Variants in NBR1 observed in about 807,000 individuals in gnomAD.
NBR1 encodes the protein next to BRCA1 gene 1 protein.
A neutral mutation model predicts 115.5 loss-of-function variants in NBR1; 59 were observed. That is an observed-to-expected ratio of 0.51 (90% confidence interval 0.41 to 0.63). The LOEUF (loss-of-function observed/expected upper bound fraction) is 0.63, where lower values mean the gene tolerates loss of function less well. Ranked by LOEUF, NBR1 falls within the 30% of genes least tolerant of loss-of-function variation. The pLI, the probability that NBR1 is intolerant of heterozygous loss-of-function variation, is 0.00. For synonymous variants in NBR1, 373 were observed against 414.7 expected, an observed-to-expected ratio of 0.90 and a Z score of 1.22; for missense variants, 1,043 against 1,150.5, an observed-to-expected ratio of 0.91 and a Z score of 1.35.
chr17:43,198,716 C>T (rs564925215), intron 16 of NBR1, among the ~76,000 whole-genome samples: 38 of 151,770 alleles, frequency 2.5e-4, no homozygotes, highest in Admixed American at 8.5e-4. Flanking sequence ...AATCCCAGCA[C>T]GTTGGGAGGC....
rs369693659 is a variant in NBR1 at position 43,191,792 on chromosome 17, G to C, written c.1073+211G>C. On this transcript the variant is annotated intron_variant, in intron 10 of 20. Transcript: ENST00000590996. ...GCGGTAGTGCAGTGGTGCGATCTCG[G>C]CTCACTGCCAGCTCTGCTTTCGGGT... 7.9e-5 allele frequency among the ~76,000 whole-genome samples: 12 copies of C among 152,290 alleles called. No individual in the cohort carries two copies. In the East Asian group the frequency reaches 1.2e-3, roughly 15 times the overall value.
At chr17:43,170,820 T>C (rs1438503259), upstream of NBR1, 1 of 152,220 alleles carries the variant, frequency 6.6e-6, no homozygotes, top group African/African-American at 2.4e-5. Context: ...AGTAATGGAT[T>C]GGAGTGTTGT....
At position 43,175,825 on chromosome 17, in the gene NBR1, T is replaced by A; in HGVS notation, c.26T>A (p.Val9Glu). The A allele has an allele frequency of 6.2e-7, 1 of 1,601,490 alleles. No individual in the cohort carries two copies. Among genetic ancestry groups the A allele is most frequent in the East Asian group, 2.2e-5 (1 of 44,758 alleles). Residue 9 changes from valine (V) to glutamate (E), a missense_variant, in exon 2 of 21, where the codon GTG becomes GAG. Val to Glu is a moderately radical substitution (Grantham distance 121). Coordinates refer to ENST00000590996, the MANE Select transcript of NBR1 (RefSeq NM_005899.5). MEPQVTLN[V>E]TFKNEIQSFL... ...ATGGAACCACAGGTTACTCTAAATG[T>A]GACTTTTAAAAATGAAATTCAAAGC...
intron 17 of NBR1, among the ~76,000 whole-genome samples, chr17:43,201,136 T>G (rs576890337): frequency 6.6e-6 from 1 of 152,326 alleles, no homozygotes; most frequent in Admixed American, 6.5e-5. Flanking sequence ...CCCAAAATGC[T>G]GGAATTACAG....
rs1483875959 is a variant in NBR1, at chr17:43,189,732, A to G, written c.625A>G (p.Asn209Asp). 1.2e-6 allele frequency: 2 copies of G among 1,613,994 alleles called. No individual in the cohort carries two copies. The highest frequency in any genetic ancestry group is 1.7e-5 in the Admixed American group (1 of 60,014). ...TSEETLFLPE[N>D]QFSWHIACNN... ...AGAAGAAACATTGTTTTTGCCAGAA[A>G]ACCAGTTCAGCTGGCATATTGCTTG... The change falls in exon 8 of 21, where the codon AAC becomes GAC. Residue 209 changes from asparagine (N) to aspartate (D), a missense_variant. Asn to Asp is a conservative substitution (Grantham distance 23). Coordinates refer to ENST00000590996, the MANE Select transcript of NBR1 (RefSeq NM_005899.5).
intron 6 of NBR1, among the ~76,000 whole-genome samples, chr17:43,186,774 GT>G (rs2154582115): frequency 6.6e-6 from 1 of 152,066 alleles, no homozygotes; most frequent in East Asian, 1.9e-4. Flanking sequence ...GCTGTGTTTG[GT>G]TTTCTGTTCC....
At chr17:43,189,259 A>G (rs2056889026) in intron 7 of NBR1, 140 bp downstream of exon 7, 2 of 683,124 alleles carry the variant, frequency 2.9e-6, no homozygotes, top group Admixed American at 5.0e-5. Context: ...AACTTAGAAC[A>G]GTTCCAGTCG....
In NBR1 at chr17:43,203,759, G is replaced by C. The variant is rs1234712652; in HGVS notation, c.2700G>C (p.Leu900=). The change falls in exon 20 of 21, where the codon CTG becomes CTC. Residue 900 remains leucine, a synonymous_variant. Coordinates refer to ENST00000590996, the MANE Select transcript of NBR1 (RefSeq NM_005899.5). The part of the protein sequence containing the change: ...LSVAASAYKA[L]FAGPPVTAQP... ...TTGCTGCCTCTGCATACAAGGCCCTGTTTGCTGGGCCACCAGTCACTGCAC... is the reference window on the plus strand; with the variant it reads ...TTGCTGCCTCTGCATACAAGGCCCTCTTTGCTGGGCCACCAGTCACTGCAC... The C allele has an allele frequency of 1.2e-6, 2 of 1,602,166 alleles. No homozygotes were observed. The highest frequency in any genetic ancestry group is 2.2e-5 in the East Asian group (1 of 44,678).
Position 43,210,114 on chromosome 17 carries a change from A to T in NBR1, c.*40A>T. ...TTAAATAACTGCCTGCTGCTCAGAG[A>T]TGATCTTTATTCTGTCATTGGGGTA... On this transcript the variant is annotated 3_prime_UTR_variant, in exon 21 of 21. Coordinates refer to ENST00000590996, the MANE Select transcript of NBR1 (RefSeq NM_005899.5). 1 of 1,572,738 alleles carries T rather than the reference A, an allele frequency of 6.4e-7. No homozygotes were observed. Among genetic ancestry groups the T allele is most frequent in the Non-Finnish European group, 8.7e-7 (1 of 1,155,246 alleles).
chr17:43,208,405 CTGAA>C (rs1439037977), intron 20 of NBR1, among the ~76,000 whole-genome samples: 2 of 152,136 alleles, frequency 1.3e-5, no homozygotes, highest in African/African-American at 4.8e-5. Context: ...ATAATCTATT[CTGAA>C]ATAAGAAGGT....
At chr17:43,173,625 G>A (rs1014719809) in intron 1 of NBR1, among the ~76,000 whole-genome samples, 1 of 152,136 alleles carries the variant, frequency 6.6e-6, no homozygotes, top group African/African-American at 2.4e-5. Flanking sequence ...CATTTTGAAA[G>A]AACTTGCGTA....
chr17:43,189,904 T>C (rs2056902518), intron 8 of NBR1, 102 bp downstream of exon 8: 1 of 982,254 alleles, frequency 1.0e-6, no homozygotes. Context: ...ACCCTGTTTC[T>C]GAGCATTAGA....
intron 1 of NBR1, among the ~76,000 whole-genome samples, chr17:43,172,559 G>T (rs563039589): frequency 6.6e-6 from 1 of 152,228 alleles, no homozygotes; most frequent in East Asian, 1.9e-4. Flanking sequence ...AATTGACAAA[G>T]ATTCTCAAAT....
At chr17:43,198,153 G>A (rs1362053633) in intron 16 of NBR1, among the ~76,000 whole-genome samples, 1 of 149,686 alleles carries the variant, frequency 6.7e-6, no homozygotes, top group African/African-American at 2.5e-5. Flanking sequence ...GGCAACAAGA[G>A]TGAAACTCCG....
intron 16 of NBR1, among the ~76,000 whole-genome samples, chr17:43,199,112 G>T (rs1302066308): frequency 6.7e-6 from 1 of 149,806 alleles, no homozygotes. Flanking sequence ...TTGAGATAAG[G>T]TCTCACTCGC....
At position 43,200,604 on chromosome 17, in the gene NBR1, C is replaced by T. The variant is rs2057176732; in HGVS notation, c.2464C>T (p.Pro822Ser). The T allele has an allele frequency of 2.5e-6, 4 of 1,597,906 alleles. No individual in the cohort carries two copies. In the South Asian group the frequency reaches 4.5e-5, roughly 18 times the overall value. ...GGTAGTGGAGCTTCCACCGTCACTGCCCAGGTACCACTCACAGCCCCCTCA... is the reference window on the plus strand; with the variant it reads ...GGTAGTGGAGCTTCCACCGTCACTGTCCAGGTACCACTCACAGCCCCCTCA... Reference protein sequence around the residue: ...PEVVELPPSLPRSSPCVHHHG... With the variant: ...PEVVELPPSLSRSSPCVHHHG... The change falls in exon 17 of 21, where the codon CCC becomes TCC. Residue 822 changes from proline (P) to serine (S), a missense_variant. Transcript: ENST00000590996.
chr17:43,171,244 C>T lies in NBR1; in HGVS notation c.-68C>T, dbSNP rs967405463. ...CACCCCACAGGGATAGCGGCAGAGC[C>T]GGTAGCGGACGGTCCTTGCATTGGC... is the stretch of plus-strand genomic sequence containing the variant. On this transcript the variant is annotated 5_prime_UTR_variant, in exon 1 of 21. Transcript: ENST00000590996. 6.6e-6 allele frequency: 1 copy of T among 152,638 alleles called. No individual in the cohort carries two copies. The highest frequency in any genetic ancestry group is 6.5e-5 in the Admixed American group (1 of 15,292). The allele number at this position is 152,638 out of a possible 1,614,324, so 9.5% of individuals were successfully genotyped here. A position where few individuals can be genotyped will look rare whatever the true frequency, so the allele number is the denominator to read the frequency against.
chr17:43,177,572 AACACACACACACACACACACACACACAC>A (rs60320098), intron 2 of NBR1, among the ~76,000 whole-genome samples: 2 of 131,258 alleles, frequency 1.5e-5, no homozygotes, highest in Admixed American at 7.6e-5. Context: ...CCCCACCCAA[AACACACACACACACACACACACACACAC>A]ACACACACAC....
intron 5 of NBR1, among the ~76,000 whole-genome samples, chr17:43,183,345 C>T (rs1427736848): frequency 1.3e-5 from 2 of 151,682 alleles, no homozygotes; most frequent in Admixed American, 6.6e-5. Flanking sequence ...CTCAGCCTCC[C>T]GAGTAGCTGG....
Sources: gnomAD v4.1 joint callset for allele counts (sites outside exome capture counted in the v4.1 genomes callset) on GRCh38, gnomAD v4.1.1 for gene constraint, MANE v1.5 for transcripts, NCBI Gene and HGNC (gene_info 2026-07-23, HGNC 2026-07-21) for gene names.